SCRIB: variants seen among roughly 807,000 people sequenced by gnomAD.
The protein encoded by SCRIB is scribble planar cell polarity protein, also known as protein scribble homolog.
A neutral mutation model predicts 170.0 loss-of-function variants in SCRIB; 72 were observed. The ratio of observed to expected loss-of-function variants is 0.42; its 90% CI spans 0.35 to 0.52. The LOEUF (loss-of-function observed/expected upper bound fraction) is 0.52. Among genes scored for constraint, SCRIB ranks in the 20% least tolerant of loss-of-function variants. SCRIB has a pLI of 0.02. For missense variants in SCRIB, 2,475 were observed against 2,338.5 expected, an observed-to-expected ratio of 1.06 and a Z score of -1.20; for synonymous variants, 1,298 against 1,044.3, an observed-to-expected ratio of 1.24 and a Z score of -4.68.
At chr8:143,812,673 TC>T in intron 8 of SCRIB, 143 bp downstream of exon 8, 1 of 1,147,680 alleles carries the variant, frequency 8.7e-7, no homozygotes, top group Non-Finnish European at 1.2e-6. Context: ...GGGTCCCACC[TC>T]CCCTCCCCAG....
chr8:143,792,706 A>C lies in SCRIB; in HGVS notation c.4177+2T>G. 6.3e-7 allele frequency: 1 copy of C among 1,586,386 alleles called. No individual in the cohort carries two copies. Among genetic ancestry groups the C allele is most frequent in the East Asian group, 2.3e-5 (1 of 44,240 alleles). The stretch of plus-strand genomic sequence containing the variant: ...CCCCCACCCCACTTCCGTGCCCCTC[A>C]CCTTCCTCCTCCTGCATCTTCCGCA... On this transcript the variant is annotated splice_donor_variant, in intron 30 of 36. Transcript: ENST00000356994. LOFTEE classifies it high-confidence loss of function.
rs570668385 is a variant in SCRIB at position 143,812,733 on chromosome 8, A to G, written c.787+84T>C. The G allele has an allele frequency of 2.1e-4, 320 of 1,501,582 alleles. 6 individuals carry two copies. The South Asian group carries it at 3.7e-3, about 17-fold the overall frequency. The allele number at this position is 1,501,582 out of a possible 1,614,324, so 93.0% of individuals were successfully genotyped here. ...CACTCAGGATCCTCCCCTGTGTTCCACACCACACACAGCCCCGACGCCCCA... is the reference window on the plus strand; with the variant it reads ...CACTCAGGATCCTCCCCTGTGTTCCGCACCACACACAGCCCCGACGCCCCA... On this transcript the variant is annotated intron_variant, in intron 8 of 36. Transcript: ENST00000356994.
Position 143,791,157 on chromosome 8 carries a change from G to A in SCRIB, c.*6C>T. On this transcript the variant is annotated 3_prime_UTR_variant, in exon 37 of 37. Coordinates refer to ENST00000356994, the MANE Select transcript of SCRIB (RefSeq NM_182706.5). ...CACCCCAAGTCTGGGGGAGGTGCCT[G>A]CTCCTCTAGGAGGGCACAGGGCCCA... 1 of 1,398,494 alleles carries A rather than the reference G, an allele frequency of 7.2e-7. No homozygotes were observed. Among genetic ancestry groups the A allele is most frequent in the South Asian group, 1.8e-5 (1 of 55,268 alleles). The allele number at this position is 1,398,494 out of a possible 1,614,324, so 86.6% of individuals were successfully genotyped here.
chr8:143,807,685 C>T, intron 15 of SCRIB, 71 bp from the exon 16 acceptor site: 1 of 1,205,332 alleles, frequency 8.3e-7, no homozygotes, highest in Non-Finnish European at 1.2e-6. Flanking sequence ...CTCACCCAGC[C>T]CCCGCCACAA....
At position 143,815,396 on chromosome 8, in the gene SCRIB, C is replaced by T. The variant is rs759749664; in HGVS notation, c.-24G>A. ...ATGGTGCGGGTGGGCGGCGCGGGCT[C>T]CGGCGGCGGCGCTCGGCGGGCTCGG... On this transcript the variant is annotated 5_prime_UTR_variant, in exon 1 of 37. Coordinates refer to ENST00000356994, the MANE Select transcript of SCRIB (RefSeq NM_182706.5). The T allele has an allele frequency of 8.6e-6, 11 of 1,279,878 alleles. No homozygotes were observed. The East Asian group carries it at 1.3e-4, about 15-fold the overall frequency. 79.3% of individuals were successfully genotyped at this position (1,279,878 alleles called of 1,614,324 possible).
chr8:143,808,462 TG>T, intron 15 of SCRIB, 146 bp downstream of exon 15: 1 of 945,774 alleles, frequency 1.1e-6, no homozygotes, highest in Non-Finnish European at 1.5e-6. Flanking sequence ...GTGGCCGTGA[TG>T]CCGACTGTGG....
rs1554636565 is a variant in SCRIB at position 143,806,394 on chromosome 8, G to A, written c.2346+13C>T. On this transcript the variant is annotated intron_variant, in intron 18 of 36. Transcript: ENST00000356994. ...CACAGCTGCCACTCGGGGCGGAGAG[G>A]TTGCCGACTCACCTCCAGGAGCTTG... 8.2e-6 allele frequency: 13 copies of A among 1,594,788 alleles called. No homozygotes were observed. Among genetic ancestry groups the A allele is most frequent in the Middle Eastern group, 1.7e-4 (1 of 6,040 alleles).
In SCRIB at chr8:143,813,509, G is replaced by A. The variant is rs149512932; in HGVS notation, c.464C>T (p.Thr155Ile). 28 of 1,613,144 alleles carry A rather than the reference G, an allele frequency of 1.7e-5. No individual in the cohort carries two copies. In the African/African-American group the frequency reaches 2.4e-4, roughly 14 times the overall value. The change falls in exon 5 of 37, where the codon ACC becomes ATC. Residue 155 changes from threonine (T) to isoleucine (I), a missense_variant. Physicochemically the swap from Thr to Ile is moderately conservative, Grantham distance 89 (BLOSUM62 -1). This residue lies in a region of SCRIB where 487 missense variants were observed against 558.1 expected (regional missense o/e 0.87). Coordinates refer to ENST00000356994, the MANE Select transcript of SCRIB (RefSeq NM_182706.5). ...GAGCAGGTTCTCCCGGAGCTCCAGG[G>A]TCACCAGGTTGGCGAGGCTGAAAGA... ...GDVGNLANLV[T>I]LELRENLLKS...
Position 143,803,782 on chromosome 8 carries a change from C to T in SCRIB, c.3279G>A (p.Pro1093=), listed in dbSNP as rs113565020. Residue 1093 remains proline (P), a synonymous_variant, in exon 23 of 37, where the codon CCG becomes CCA. Transcript: ENST00000356994. ...ACAGTTCCCGTAGGCCCGGGGGTGC[C>T]GGGTCCCTCCGCACCAGCAGCGACA... ...LELSLLVRRD[P]APPGLRELCI... is the part of the protein sequence containing the mutation. 2.1e-5 allele frequency: 33 copies of T among 1,602,370 alleles called. No individual in the cohort carries two copies. The highest frequency in any genetic ancestry group is 1.2e-4 in the African/African-American group (9 of 75,014).
Position 143,809,554 on chromosome 8 carries a change from C to T in SCRIB, c.1695G>A (p.Gln565=), listed in dbSNP as rs775057248. 1 of 1,610,032 alleles carries T rather than the reference C, an allele frequency of 6.2e-7. No homozygotes were observed. The highest frequency in any genetic ancestry group is 8.5e-7 in the Non-Finnish European group (1 of 1,178,928). ...CCTCCTTCCTGCCAATCCACACCTCCTGGTAGTCCTCTTCGGCGTCTTCCT... is the reference window on the plus strand; with the variant it reads ...CCTCCTTCCTGCCAATCCACACCTCTTGGTAGTCCTCTTCGGCGTCTTCCT... ...GGEEDAEEDY[Q]EPTVHFAEDA... is the part of the protein sequence containing the mutation. The change falls in exon 14 of 37, where the codon CAG becomes CAA. Residue 565 remains glutamine (Q), a synonymous_variant. Transcript: ENST00000356994.
At position 143,804,710 on chromosome 8, in the gene SCRIB, G is replaced by A. The variant is rs1554635931; in HGVS notation, c.2867C>T (p.Pro956Leu). 1 of 1,583,606 alleles carries A rather than the reference G, an allele frequency of 6.3e-7. No individual in the cohort carries two copies. Among genetic ancestry groups the A allele is most frequent in the South Asian group, 1.2e-5 (1 of 86,042 alleles). ...LEREAGGPLP[P>L]SPLPHSSPPT... ...GGGTGAGGAATGTGGCAGAGGGCTG[G>A]GAGGAAGAGGGCCCCCAGCCTCCCG... The change falls in exon 21 of 37, where the codon CCC (proline) becomes CTC (leucine). Residue 956 changes from proline (P) to leucine (L), a missense_variant. Physicochemically the swap from Pro to Leu is moderately conservative, Grantham distance 98. Around this residue, in one of 3 missense-constraint regions of SCRIB, gnomAD observed 1,966 missense variants for 1,742.9 expected, o/e 1.13. Transcript: ENST00000356994.
chr8:143,795,417 G>T lies in SCRIB; in HGVS notation c.3714+3C>A. The T allele has an allele frequency of 6.2e-7, 1 of 1,612,852 alleles. No individual in the cohort carries two copies. Among genetic ancestry groups the T allele is most frequent in the Non-Finnish European group, 8.5e-7 (1 of 1,179,654 alleles). On this transcript the variant is annotated splice_donor_region_variant and intron_variant, in intron 25 of 36. Transcript: ENST00000356994. The stretch of plus-strand genomic sequence containing the variant: ...GGGGCTGCCGGCTGCAGGCACCTCT[G>T]ACCTTGCCTGGGCCCTCAGGGCTCA...
intron 9 of SCRIB, 30 bp downstream of exon 9, chr8:143,812,236 A>G (rs1815766960): frequency 2.1e-6 from 3 of 1,434,838 alleles, no homozygotes; most frequent in Non-Finnish European, 2.9e-6. Flanking sequence ...CGACGGCCCC[A>G]TCCTTTCTGC....
At chr8:143,809,518 C>A (rs753500951) in intron 14 of SCRIB, 33 bp downstream of exon 14, 1 of 1,592,012 alleles carries the variant, frequency 6.3e-7, no homozygotes, top group Non-Finnish European at 8.6e-7. Flanking sequence ...CCCAGCAGGC[C>A]CAGCCTCCTG....
chr8:143,812,825 T>A lies in SCRIB; in HGVS notation c.779A>T (p.Asp260Val). Reference protein sequence around the residue: ...LSQNLLRRLPDGIGQLKQLSI... With the variant: ...LSQNLLRRLPVGIGQLKQLSI... Reference sequence around the variant, plus strand: ...CCCCCAGGCACACTAACCGATGCCGTCGGGCAGCCTCCGCAGCAGGTTCTG... The same window carrying A: ...CCCCCAGGCACACTAACCGATGCCGACGGGCAGCCTCCGCAGCAGGTTCTG... Residue 260 changes from aspartate (D) to valine (V), a missense_variant, in exon 8 of 37, where the codon GAC becomes GTC. Physicochemically the swap from Asp to Val is radical, Grantham distance 152 (BLOSUM62 -3). Transcript: ENST00000356994. 1 of 1,599,706 alleles carries A rather than the reference T, an allele frequency of 6.3e-7. No homozygotes were observed.
Position 143,804,092 on chromosome 8 carries a change from G to A in SCRIB, c.3074C>T (p.Ser1025Phe), listed in dbSNP as rs782581680. 5.0e-6 allele frequency: 8 copies of A among 1,612,656 alleles called. No homozygotes were observed. The highest frequency in any genetic ancestry group is 4.5e-5 in the East Asian group (2 of 44,872). ...GLSIVGGSDH[S>F]SHPFGVQEPG... ...CTCCTGGACACCAAACGGGTGGCTG[G>A]AATGGTCGGAGCCTCCGACAATACT... The change falls in exon 22 of 37, where the codon TCC becomes TTC. Residue 1025 changes from serine to phenylalanine, a missense_variant. Physicochemically the swap from Ser to Phe is radical, Grantham distance 155. Coordinates refer to ENST00000356994, the MANE Select transcript of SCRIB (RefSeq NM_182706.5).
At position 143,806,437 on chromosome 8, in the gene SCRIB, A is replaced by C. The variant is rs1430383403; in HGVS notation, c.2316T>G (p.Ala772=). 6.2e-7 allele frequency: 1 copy of C among 1,606,342 alleles called. No individual in the cohort carries two copies. Among genetic ancestry groups the C allele is most frequent in the African/African-American group, 1.3e-5 (1 of 74,766 alleles). ...RVSEEGPAAR[A]GVRVGDKLLE... Reference sequence around the variant, plus strand: ...GGAGCTTGTCACCCACACGGACTCCAGCCCGGGCCGCAGGGCCTTCCTCGG... The same window carrying C: ...GGAGCTTGTCACCCACACGGACTCCCGCCCGGGCCGCAGGGCCTTCCTCGG... Residue 772 remains alanine, a synonymous_variant, in exon 18 of 37, where the codon GCT becomes GCG. Transcript: ENST00000356994.
At chr8:143,806,594 T>C in intron 17 of SCRIB, 110 bp from the exon 18 acceptor site, 1 of 881,684 alleles carries the variant, frequency 1.1e-6, no homozygotes, top group Admixed American at 2.1e-5. Flanking sequence ...CCCCTAGCCC[T>C]GGCCAGCAGG....
In SCRIB at chr8:143,805,306, T is replaced by C; in HGVS notation, c.2476A>G (p.Thr826Ala). Reference protein sequence around the residue: ...MVEPENAVTITPLRPEDDYSP... With the variant: ...MVEPENAVTIAPLRPEDDYSP... Reference sequence around the variant, plus strand: ...TAATCATCCTCGGGCCGCAGCGGCGTGATGGTGACCGCGTTCTCAGGCTCC... The same window carrying C: ...TAATCATCCTCGGGCCGCAGCGGCGCGATGGTGACCGCGTTCTCAGGCTCC... Residue 826 changes from threonine to alanine, a missense_variant, in exon 19 of 37, where the codon ACG becomes GCG. By Grantham distance (58) the Thr-to-Ala change is moderately conservative (BLOSUM62 0). Transcript: ENST00000356994. 1 of 1,547,558 alleles carries C rather than the reference T, an allele frequency of 6.5e-7. No homozygotes were observed. Among genetic ancestry groups the C allele is most frequent in the Non-Finnish European group, 8.7e-7 (1 of 1,152,602 alleles).
Sources: allele counts gnomAD v4.1 joint callset, GRCh38; gene constraint gnomAD v4.1.1; regional missense constraint gnomAD v4.1.1; transcripts MANE v1.5; gene names NCBI Gene and HGNC (gene_info 2026-07-23, HGNC 2026-07-21).